Variants in ARHGEF7 observed in about 807,000 individuals in gnomAD.
ARHGEF7 encodes the protein PAK-interacting exchange factor beta.
Under a neutral mutation model 109.8 loss-of-function variants are expected in ARHGEF7, and 33 were observed. That is an observed-to-expected ratio of 0.30 (90% CI 0.23 to 0.40). The LOEUF is 0.40. ARHGEF7 is among the 10% of genes least tolerant of loss of function. ARHGEF7 has a pLI of 1.00. For missense variants in ARHGEF7, 938 were observed against 1,098.5 expected, an observed-to-expected ratio of 0.85 and a Z score of 2.07; for synonymous variants, 458 against 424.6, an observed-to-expected ratio of 1.08 and a Z score of -0.97.
chr13:111,292,544 T>A, intron 19 of ARHGEF7: 1 of 1,399,438 alleles, frequency 7.1e-7, no homozygotes. Context: ...TGTGTTCACG[T>A]GAGCCTACAT....
chr13:111,239,570 T>C lies in ARHGEF7; in HGVS notation c.760-4302T>C, dbSNP rs963925181. ...CATCTTCTGCTTTGCCCTTGGCTTT[T>C]CTCCACCTCAATGAAGATTTCTGTT... On this transcript the variant is annotated intron_variant, in intron 6 of 21. Coordinates refer to ENST00000646102, the MANE Select transcript of ARHGEF7 (RefSeq NM_001354046.2). This position sits in a 1 kb window ranked among gnomAD's most constrained non-coding sequence, Gnocchi z 4.3. 6.6e-6 allele frequency among the ~76,000 whole-genome samples: 1 copy of C among 152,144 alleles called. No individual in the cohort carries two copies. The highest frequency in any genetic ancestry group is 1.5e-5 in the Non-Finnish European group (1 of 68,024).
intron 6 of ARHGEF7, among the ~76,000 whole-genome samples, chr13:111,240,274 G>A (rs55746920): frequency 0.023 from 3,559 of 152,252 alleles, 74 homozygotes; most frequent in Middle Eastern, 0.11. Context: ...TAGGAGAAAC[G>A]TACCCCAAGA....
intron 8 of ARHGEF7, among the ~76,000 whole-genome samples, chr13:111,253,214 C>A (rs1306265586): frequency 6.6e-6 from 1 of 152,214 alleles, no homozygotes; most frequent in Non-Finnish European, 1.5e-5. Flanking sequence ...TTACTGTAGA[C>A]CCTGTTACAG....
rs537607983 is a variant in ARHGEF7 at position 111,117,972 on chromosome 13, T to C, written c.165+2281T>C. ...GGGAATGTGAGTCTGAGGATGTTTT[T>C]TCCTTAAAAAGAAGCATTTGGAAAC... is the stretch of plus-strand genomic sequence containing the variant. On this transcript the variant is annotated intron_variant, in intron 1 of 21. Coordinates refer to ENST00000646102, the MANE Select transcript of ARHGEF7 (RefSeq NM_001354046.2). 3.3e-5 allele frequency among the ~76,000 whole-genome samples: 5 copies of C among 152,376 alleles called. No individual in the cohort carries two copies. In the South Asian group the frequency reaches 1.0e-3, roughly 32 times the overall value.
intron 2 of ARHGEF7, among the ~76,000 whole-genome samples, chr13:111,163,803 G>A (rs1383677558): frequency 6.6e-6 from 1 of 152,114 alleles, no homozygotes; most frequent in Non-Finnish European, 1.5e-5. Context: ...CCAGAGTGCT[G>A]GGATTATAGG....
At chr13:111,184,191 G>A (rs539064300) in intron 2 of ARHGEF7, among the ~76,000 whole-genome samples, 4 of 152,142 alleles carry the variant, frequency 2.6e-5, no homozygotes, top group Non-Finnish European at 5.9e-5. Context: ...ATTCTCTCTC[G>A]TTGTCCTGTG....
chr13:111,187,500 CT>C (rs1406357846), intron 2 of ARHGEF7, among the ~76,000 whole-genome samples: 3 of 152,154 alleles, frequency 2.0e-5, no homozygotes, highest in African/African-American at 7.2e-5. Flanking sequence ...CAATAATTTC[CT>C]TTTTTTGTTT....
intron 8 of ARHGEF7, among the ~76,000 whole-genome samples, chr13:111,253,023 C>T (rs186201536): frequency 6.6e-6 from 1 of 152,388 alleles, no homozygotes; most frequent in Non-Finnish European, 1.5e-5. Flanking sequence ...CCAGGCCCAG[C>T]AGCAGCTGGA....
intron 13 of ARHGEF7, among the ~76,000 whole-genome samples, chr13:111,279,200 A>AT (rs1234556085): frequency 2.6e-5 from 4 of 152,176 alleles, no homozygotes; most frequent in Non-Finnish European, 5.9e-5. Context: ...AGTGTGTAGC[A>AT]TTTTTTAAAT....
rs185286590 is a variant in ARHGEF7 at position 111,117,727 on chromosome 13, C to G, written c.165+2036C>G. Among the ~76,000 whole-genome samples the G allele has an allele frequency of 3.7e-4, 56 of 151,762 alleles. 2 individuals carry two copies. The East Asian group carries it at 9.5e-3, about 26-fold the overall frequency. ...TCTCTGTCTCTCTCTCTCTTTCTTTCTCCTTCCTTCCTTCCTTCGAGATGG... is the reference window on the plus strand; with the variant it reads ...TCTCTGTCTCTCTCTCTCTTTCTTTGTCCTTCCTTCCTTCCTTCGAGATGG... On this transcript the variant is annotated intron_variant, in intron 1 of 21. Coordinates refer to ENST00000646102, the MANE Select transcript of ARHGEF7 (RefSeq NM_001354046.2).
At chr13:111,121,800 C>G (rs831154) in intron 1 of ARHGEF7, among the ~76,000 whole-genome samples, 23,956 of 152,120 alleles carry the variant, frequency 0.16, 2,511 homozygotes, top group African/African-American at 0.3. Flanking sequence ...TGCTCTGTGA[C>G]TTCCGGCACC....
intron 21 of ARHGEF7, 28 bp downstream of exon 21, chr13:111,301,560 T>C: frequency 6.4e-7 from 1 of 1,566,362 alleles, no homozygotes; most frequent in Non-Finnish European, 8.8e-7. Context: ...TTTAAATCTT[T>C]TTTTTCTTTT....
intron 12 of ARHGEF7, among the ~76,000 whole-genome samples, chr13:111,277,315 A>G (rs1271032929): frequency 6.6e-6 from 1 of 152,226 alleles, no homozygotes; most frequent in African/African-American, 2.4e-5. Flanking sequence ...CAGTCCGTTT[A>G]CTTTCTTACC....
chr13:111,133,102 A>G (rs2074859255), intron 1 of ARHGEF7, among the ~76,000 whole-genome samples: 1 of 152,302 alleles, frequency 6.6e-6, no homozygotes, highest in African/African-American at 2.4e-5. Flanking sequence ...ATACACATAT[A>G]CATACATGCT....
intron 3 of ARHGEF7, among the ~76,000 whole-genome samples, chr13:111,208,653 T>G (rs1440769450): frequency 6.6e-6 from 1 of 152,046 alleles, no homozygotes; most frequent in Non-Finnish European, 1.5e-5. Flanking sequence ...GGAAATGCCC[T>G]TTTAGCTGGT....
chr13:111,155,942 C>T lies in ARHGEF7; in HGVS notation c.252+1951C>T, dbSNP rs148489575. 3.1e-3 allele frequency among the ~76,000 whole-genome samples: 464 copies of T among 151,938 alleles called. 2 individuals are homozygous for T. The highest frequency in any genetic ancestry group is 5.0e-3 in the Non-Finnish European group (337 of 67,968). On this transcript the variant is annotated intron_variant, in intron 2 of 21. Coordinates refer to ENST00000646102, the MANE Select transcript of ARHGEF7 (RefSeq NM_001354046.2). ...ACAAACCCAAAAACAAAAATTAGCC[C>T]GGCGTGGTGGCGTGCACCTGTAGTT...
At chr13:111,187,398 G>A (rs968568007) in intron 2 of ARHGEF7, among the ~76,000 whole-genome samples, 12 of 152,166 alleles carry the variant, frequency 7.9e-5, no homozygotes, top group African/African-American at 2.4e-4. Flanking sequence ...AAACTGTGGC[G>A]CACACTCAGG....
At chr13:111,191,975 A>AT (rs2079942973) in intron 2 of ARHGEF7, among the ~76,000 whole-genome samples, 1 of 152,242 alleles carries the variant, frequency 6.6e-6, no homozygotes. Context: ...AAAGGATTCC[A>AT]TTAAAGGGTT....
At chr13:111,120,001 T>C (rs1035182618) in intron 1 of ARHGEF7, among the ~76,000 whole-genome samples, 4 of 152,230 alleles carry the variant, frequency 2.6e-5, no homozygotes, top group Non-Finnish European at 5.9e-5. Flanking sequence ...CTCCAGACTG[T>C]GTTTTTAAGG....
Sources: allele counts gnomAD v4.1 joint callset (sites outside exome capture counted in the v4.1 genomes callset), GRCh38; gene constraint gnomAD v4.1.1; non-coding constraint Gnocchi (gnomAD v3.1); transcripts MANE v1.5; gene names NCBI Gene and HGNC (gene_info 2026-07-23, HGNC 2026-07-21).